SSB: variants seen among roughly 807,000 people sequenced by gnomAD.
The protein encoded by SSB is small RNA binding exonuclease protection factor La.
Under a neutral mutation model 52.9 loss-of-function variants are expected in SSB, and 17 were observed. That is an observed-to-expected ratio of 0.32 (90% confidence interval 0.22 to 0.48). The LOEUF is 0.48. SSB is among the 20% of genes least tolerant of loss of function. SSB has a pLI of 0.99. For missense variants in SSB, 314 were observed against 463.6 expected (o/e 0.68, Z 2.96); for synonymous variants, 111 against 152.1 (o/e 0.73, Z 1.99).
Position 169,805,830 on chromosome 2 carries a change from T to A in SSB, c.336T>A (p.Ser112=), listed in dbSNP as rs746337895. The stretch of plus-strand genomic sequence containing the variant: ...ATAAAAATGATGTAAAAAACAGATC[T>A]GTTTATATTGTAAGTGGGCCTGTAA... ...DEYKNDVKNR[S]VYIKGFPTDA... is the part of the protein sequence containing the mutation. Residue 112 remains serine (S), a synonymous_variant, in exon 4 of 12, where the codon TCT becomes TCA. Coordinates refer to ENST00000260956, the MANE Select transcript of SSB (RefSeq NM_003142.5). 1 of 1,612,430 alleles carries A rather than the reference T, an allele frequency of 6.2e-7. No individual in the cohort carries two copies. Among genetic ancestry groups the A allele is most frequent in the South Asian group, 1.1e-5 (1 of 90,734 alleles).
intron 2 of SSB, among the ~76,000 whole-genome samples, chr2:169,801,740 G>A (rs1227040143): frequency 6.6e-6 from 1 of 151,900 alleles, no homozygotes; most frequent in Non-Finnish European, 1.5e-5. Flanking sequence ...CACCATGTTG[G>A]CCAGGCTGGT....
chr2:169,810,632 C>G, intron 9 of SSB: 1 of 663,054 alleles, frequency 1.5e-6, no homozygotes, highest in Non-Finnish European at 2.5e-6. Context: ...GTTATTGTCA[C>G]TATATGTGAT....
chr2:169,811,572 T>C (rs1265881343), intron 11 of SSB, 96 bp from the exon 12 acceptor site: 2 of 1,495,868 alleles, frequency 1.3e-6, no homozygotes, highest in East Asian at 2.3e-5. Flanking sequence ...AGTTGTTGCA[T>C]CTTTTTCAAC....
chr2:169,811,175 C>T lies in SSB; in HGVS notation c.998-8C>T, dbSNP rs766156155. 1.9e-6 allele frequency: 3 copies of T among 1,606,468 alleles called. No homozygotes were observed. Among genetic ancestry groups the T allele is most frequent in the Admixed American group, 1.7e-5 (1 of 57,528 alleles). On this transcript the variant is annotated splice_polypyrimidine_tract_variant and splice_region_variant and intron_variant, in intron 10 of 11. Coordinates refer to ENST00000260956, the MANE Select transcript of SSB (RefSeq NM_003142.5). ...TTCTTTACAGAGTGCTCAATTGTGT[C>T]TCTACAGGTCGTAGATTTAAAGGAA...
At chr2:169,811,541 C>T in intron 11 of SSB, 127 bp from the exon 12 acceptor site, 1 of 1,384,158 alleles carries the variant, frequency 7.2e-7, no homozygotes, top group Non-Finnish European at 9.7e-7. Context: ...AGAGAAAAGC[C>T]TTTTCTCATT....
Position 169,804,777 on chromosome 2 carries a change from C to T in SSB, c.67-697C>T, listed in dbSNP as rs558276650. On this transcript the variant is annotated intron_variant, in intron 2 of 11. Coordinates refer to ENST00000260956, the MANE Select transcript of SSB (RefSeq NM_003142.5). ...GCCAGGGTGGTCTCAATCTCTTGAC[C>T]TCCCAAAGTGCAGGGATTACAGGCG... 7.9e-5 allele frequency among the ~76,000 whole-genome samples: 12 copies of T among 152,152 alleles called. No individual in the cohort carries two copies. The South Asian group carries it at 2.1e-3, about 26-fold the overall frequency.
At chr2:169,802,495 C>G (rs1426545787) in intron 2 of SSB, among the ~76,000 whole-genome samples, 1 of 149,902 alleles carries the variant, frequency 6.7e-6, no homozygotes, top group African/African-American at 2.5e-5. Context: ...TTCTTTATGA[C>G]TATGAGGAGA....
chr2:169,807,131 A>G, intron 6 of SSB, 60 bp downstream of exon 6: 2 of 1,407,644 alleles, frequency 1.4e-6, no homozygotes, highest in Non-Finnish European at 2.0e-6. Context: ...ACACTAGGGT[A>G]AGGAGCATGG....
intron 8 of SSB, 38 bp downstream of exon 8, chr2:169,808,940 T>A (rs1689886922): frequency 6.6e-7 from 1 of 1,521,966 alleles, no homozygotes; most frequent in Non-Finnish European, 9.1e-7. Context: ...CATCTGTAAT[T>A]CGAAGTTAAA....
intron 1 of SSB, 155 bp downstream of exon 1, chr2:169,799,131 G>C (rs1248403203): frequency 1.3e-5 from 2 of 152,150 alleles, no homozygotes; most frequent in Non-Finnish European, 2.9e-5. Flanking sequence ...CGCAGCCGGA[G>C]GCGGCGGAGC....
chr2:169,805,992 A>T, intron 4 of SSB, 153 bp downstream of exon 4: 1 of 849,738 alleles, frequency 1.2e-6, no homozygotes, highest in East Asian at 2.8e-5. Context: ...TTTTGTTTTG[A>T]GACAGTCTCA....
At chr2:169,799,797 T>G (rs1362751723) in intron 1 of SSB, among the ~76,000 whole-genome samples, 5 of 152,120 alleles carry the variant, frequency 3.3e-5, no homozygotes, top group Non-Finnish European at 7.4e-5. Flanking sequence ...GCAATTGCAG[T>G]GTGTCAGGGG....
At chr2:169,806,724 C>G in intron 4 of SSB, 61 bp from the exon 5 acceptor site, 1 of 1,318,844 alleles carries the variant, frequency 7.6e-7, no homozygotes, top group South Asian at 1.3e-5. Context: ...CAAATTCTCT[C>G]CAATTGTTTA....
chr2:169,811,478 T>C (rs1689954943), intron 11 of SSB, among the ~76,000 whole-genome samples, 155 bp downstream of exon 11: 1 of 152,194 alleles, frequency 6.6e-6, no homozygotes. Context: ...TGCTGTTGTA[T>C]AAGTCAGGGA....
At chr2:169,803,738 C>CT (rs879916895) in intron 2 of SSB, among the ~76,000 whole-genome samples, 133 of 144,336 alleles carry the variant, frequency 9.2e-4, no homozygotes, top group South Asian at 1.8e-3. Context: ...AAAATAGTGT[C>CT]TTTTTTTTTT....
At chr2:169,810,247 T>C (rs1401071497) in intron 8 of SSB, 36 bp from the exon 9 acceptor site, 3 of 1,549,926 alleles carry the variant, frequency 1.9e-6, no homozygotes, top group Non-Finnish European at 1.7e-6. Flanking sequence ...TTGTTGCTTT[T>C]AAGAAACTTT....
intron 2 of SSB, among the ~76,000 whole-genome samples, chr2:169,802,638 T>G (rs760598286): frequency 1.3e-5 from 2 of 152,182 alleles, no homozygotes; most frequent in Non-Finnish European, 2.9e-5. Context: ...GTTAAAAGCT[T>G]TTGACACTTT....
chr2:169,808,935 G>C, intron 8 of SSB, 33 bp downstream of exon 8: 1 of 1,529,126 alleles, frequency 6.5e-7, no homozygotes, highest in Non-Finnish European at 9.1e-7. Flanking sequence ...TAGTACATCT[G>C]TAATTCGAAG....
At chr2:169,802,487 C>A (rs982402578) in intron 2 of SSB, among the ~76,000 whole-genome samples, 19 of 145,542 alleles carry the variant, frequency 1.3e-4, no homozygotes, top group Non-Finnish European at 2.4e-4. Flanking sequence ...GTATTAATTT[C>A]TTTATGACTA....
Sources: allele counts gnomAD v4.1 joint callset (sites outside exome capture counted in the v4.1 genomes callset), GRCh38; gene constraint gnomAD v4.1.1; transcripts MANE v1.5; gene names NCBI Gene and HGNC (gene_info 2026-07-23, HGNC 2026-07-21).